Variants in PPP2R2C observed in about 807,000 individuals in gnomAD.
PPP2R2C encodes the protein protein phosphatase 2, regulatory subunit B, gamma.
A neutral mutation model predicts 45.3 loss-of-function variants in PPP2R2C; 10 were observed. That is an observed-to-expected ratio of 0.22 (90% CI 0.14 to 0.37). PPP2R2C has a LOEUF of 0.37. Among genes scored for constraint, PPP2R2C ranks in the 10% least tolerant of loss-of-function variants. The pLI, the probability that PPP2R2C is intolerant of heterozygous loss-of-function variation, is 1.00. For missense variants in PPP2R2C, 308 were observed against 619.7 expected, an observed-to-expected ratio of 0.50 and a Z score of 5.34; for synonymous variants, 257 against 245.4, an observed-to-expected ratio of 1.05 and a Z score of -0.44.
intron 2 of PPP2R2C, among the ~76,000 whole-genome samples, chr4:6,526,248 A>G (rs1039564032): frequency 6.6e-6 from 1 of 152,234 alleles, no homozygotes; most frequent in Non-Finnish European, 1.5e-5. Context: ...TGTTGAATAC[A>G]TATACTTAGC....
rs73089159 is a variant in PPP2R2C, at chr4:6,561,654, T to C, written c.-59+1906A>G. Among the ~76,000 whole-genome samples, 341 of 147,662 alleles carry C rather than the reference T, an allele frequency of 2.3e-3. 1 individual carries two copies. Among genetic ancestry groups the C allele is most frequent in the African/African-American group, 6.5e-3 (255 of 39,072 alleles). Reference sequence around the variant, plus strand: ...ACACACAGACACACCTATACAGACATAGAGCTACACAGACACACTTGGATA... The same window carrying C: ...ACACACAGACACACCTATACAGACACAGAGCTACACAGACACACTTGGATA... On this transcript the variant is annotated intron_variant, in intron 1 of 9. Coordinates refer to the PPP2R2C transcript ENST00000506140.
intron 1 of PPP2R2C, among the ~76,000 whole-genome samples, chr4:6,466,873 G>A (rs1477029864): frequency 6.6e-6 from 1 of 152,204 alleles, no homozygotes; most frequent in East Asian, 1.9e-4. Context: ...AGTTCGGGTT[G>A]ATTAAAAAGA....
At chr4:6,348,160 CCT>C (rs1491198294) in intron 5 of PPP2R2C, 150 bp from the exon 6 acceptor site, 9 of 888,162 alleles carry the variant, frequency 1.0e-5, no homozygotes, top group Non-Finnish European at 1.0e-5. Context: ...AATGCGTCCC[CCT>C]GAGCTGCAGA....
Position 6,342,760 on chromosome 4 carries a change from G to A in PPP2R2C, c.790+5086C>T, listed in dbSNP as rs568220562. 3.9e-5 allele frequency among the ~76,000 whole-genome samples: 6 copies of A among 152,286 alleles called. No homozygotes were observed. The East Asian group carries it at 9.6e-4, about 24-fold the overall frequency. On this transcript the variant is annotated intron_variant, in intron 6 of 8. Coordinates refer to ENST00000382599, the MANE Select transcript of PPP2R2C (RefSeq NM_020416.4). ...ACACTGCCAAGCAGTCACAAGACGC[G>A]GATTTCCAGTGCTTCGGAGAAAGGT...
chr4:6,539,983 AG>A (rs1478444268), intron 1 of PPP2R2C, among the ~76,000 whole-genome samples: 1 of 152,200 alleles, frequency 6.6e-6, no homozygotes, highest in African/African-American at 2.4e-5. Flanking sequence ...CCCTGCAGTT[AG>A]CCCTGCCCTA....
chr4:6,501,650 G>A (rs1353186557), intron 2 of PPP2R2C, among the ~76,000 whole-genome samples: 1 of 152,224 alleles, frequency 6.6e-6, no homozygotes, highest in Non-Finnish European at 1.5e-5. Flanking sequence ...AGCAATGGGG[G>A]AAAGGAGGTC....
intron 2 of PPP2R2C, among the ~76,000 whole-genome samples, chr4:6,507,981 G>A (rs1360117885): frequency 6.6e-6 from 1 of 152,228 alleles, no homozygotes; most frequent in Non-Finnish European, 1.5e-5. Context: ...AAACAATGAT[G>A]TAGCATTTGA....
At chr4:6,362,886 C>T (rs1233910147) in intron 5 of PPP2R2C, among the ~76,000 whole-genome samples, 2 of 19,666 alleles carry the variant, frequency 1.0e-4, no homozygotes, top group South Asian at 9.3e-3. Flanking sequence ...CCCTGCACCC[C>T]CTTTCCCCTT....
intron 2 of PPP2R2C, among the ~76,000 whole-genome samples, chr4:6,489,390 G>A (rs1189684013): frequency 1.3e-5 from 2 of 151,954 alleles, no homozygotes; most frequent in East Asian, 1.9e-4. Context: ...CCTCCACATC[G>A]GGCTTCAGGT....
chr4:6,549,961 C>T (rs577717185), intron 1 of PPP2R2C, among the ~76,000 whole-genome samples: 10 of 152,298 alleles, frequency 6.6e-5, no homozygotes, highest in African/African-American at 2.4e-4. Context: ...ACATAACCAG[C>T]CCTCACCCTG....
chr4:6,345,058 G>A lies in PPP2R2C; in HGVS notation c.790+2788C>T, dbSNP rs948021838. Among the ~76,000 whole-genome samples the A allele has an allele frequency of 1.3e-5, 2 of 152,206 alleles. No homozygotes were observed. Among genetic ancestry groups the A allele is most frequent in the African/African-American group, 4.8e-5 (2 of 41,448 alleles). On this transcript the variant is annotated intron_variant, in intron 6 of 8. Transcript: ENST00000382599. This position sits in a 1 kb window ranked among gnomAD's most constrained non-coding sequence, Gnocchi z 5.3. ...AAAAGCTGCCTCACTCATTTCAGAA[G>A]AGTTGAATAATCTTAGCATTTAAGA... is the stretch of plus-strand genomic sequence containing the variant.
intron 2 of PPP2R2C, among the ~76,000 whole-genome samples, chr4:6,505,226 T>C (rs1191850839): frequency 6.6e-6 from 1 of 151,706 alleles, no homozygotes; most frequent in African/African-American, 2.4e-5. Context: ...ATTATGAAGA[T>C]GAAGTAAAGA....
intron 4 of PPP2R2C, among the ~76,000 whole-genome samples, 171 bp downstream of exon 4, chr4:6,375,648 G>A (rs1715237412): frequency 6.6e-6 from 1 of 152,214 alleles, no homozygotes; most frequent in African/African-American, 2.4e-5. Flanking sequence ...GTATGCTGCT[G>A]GTGAGGAAAC....
intron 3 of PPP2R2C, among the ~76,000 whole-genome samples, chr4:6,377,176 T>C (rs1715380436): frequency 6.6e-6 from 1 of 152,214 alleles, no homozygotes; most frequent in East Asian, 1.9e-4. Context: ...CTGAGGAGCG[T>C]GGACGTCCTC....
chr4:6,386,019 T>C (rs1431393909), intron 1 of PPP2R2C, among the ~76,000 whole-genome samples: 1 of 152,196 alleles, frequency 6.6e-6, no homozygotes, highest in Non-Finnish European at 1.5e-5. Flanking sequence ...CTTAAGTGAT[T>C]ACTGTCTGCC....
intron 8 of PPP2R2C, among the ~76,000 whole-genome samples, chr4:6,325,269 T>A (rs1731852195): frequency 6.6e-6 from 1 of 152,202 alleles, no homozygotes; most frequent in African/African-American, 2.4e-5. Context: ...AGTGCTGGGC[T>A]TGAGGCACTT....
chr4:6,543,351 C>T (rs994586477), intron 1 of PPP2R2C, among the ~76,000 whole-genome samples: 3 of 152,176 alleles, frequency 2.0e-5, no homozygotes, highest in Non-Finnish European at 4.4e-5. Context: ...CCCAGCTCAG[C>T]CTCTGCCTCC....
chr4:6,472,360 G>T lies in PPP2R2C; in HGVS notation c.-131C>A. 8.5e-7 allele frequency: 1 copy of T among 1,181,092 alleles called. No individual in the cohort carries two copies. The highest frequency in any genetic ancestry group is 1.0e-6 in the Non-Finnish European group (1 of 954,072). 73.2% of individuals were successfully genotyped at this position (1,181,092 alleles called of 1,614,324 possible). On this transcript the variant is annotated 5_prime_UTR_variant, in exon 1 of 9. Transcript: ENST00000382599. ...GCGCGGGCCGCCGGGGCCCCGAAGG[G>T]AGGGCATCGCGGCAGGGGGACGGGC...
At chr4:6,360,382 A>G (rs911749026) in intron 5 of PPP2R2C, among the ~76,000 whole-genome samples, 1 of 152,100 alleles carries the variant, frequency 6.6e-6, no homozygotes, top group Non-Finnish European at 1.5e-5. Flanking sequence ...AGCAAGGGGG[A>G]TGCTGGGTGC....
Sources: gnomAD v4.1 joint callset for allele counts (sites outside exome capture counted in the v4.1 genomes callset) on GRCh38, gnomAD v4.1.1 for gene constraint, Gnocchi (gnomAD v3.1) non-coding constraint, MANE v1.5 for transcripts, NCBI Gene and HGNC (gene_info 2026-07-23, HGNC 2026-07-21) for gene names.